The following UBE2K variants were observed in gnomAD, a reference collection of about 807,000 sequenced individuals.
UBE2K encodes ubiquitin conjugating enzyme E2 K.
In UBE2K, 6 loss-of-function variants were observed where a neutral mutation model predicts 30.0. The ratio of observed to expected loss-of-function variants is 0.20; its 90% CI spans 0.11 to 0.39. The LOEUF is 0.39. Ranked by LOEUF, UBE2K falls within the 10% of genes least tolerant of loss-of-function variation. UBE2K has a pLI of 1.00. For synonymous variants in UBE2K, 86 were observed against 83.7 expected, an observed-to-expected ratio of 1.03 and a Z score of -0.15; for missense variants, 61 against 241.6, an observed-to-expected ratio of 0.25 and a Z score of 4.96.
At chr4:39,773,013 T>G (rs977509473) in intron 4 of UBE2K, among the ~76,000 whole-genome samples, 7 of 151,914 alleles carry the variant, frequency 4.6e-5, no homozygotes, top group Admixed American at 4.6e-4. Context: ...TTAACAGAAA[T>G]GCCAAGAATT....
rs796348626 is a variant in UBE2K at position 39,705,478 on chromosome 4, C to T, written c.63+7088C>T. On this transcript the variant is annotated intron_variant, in intron 1 of 6. Transcript: ENST00000261427. Reference sequence around the variant, plus strand: ...CCTCCCAAAGTGCTGGGATTACAGGCGTGAGCCACCGTGCCCAGCCAAGAC... The same window carrying T: ...CCTCCCAAAGTGCTGGGATTACAGGTGTGAGCCACCGTGCCCAGCCAAGAC... 7.6e-4 allele frequency among the ~76,000 whole-genome samples: 115 copies of T among 152,062 alleles called. 1 individual carries two copies. Among genetic ancestry groups the T allele is most frequent in the African/African-American group, 2.7e-3 (113 of 41,506 alleles).
intron 1 of UBE2K, among the ~76,000 whole-genome samples, chr4:39,709,532 ATTG>A (rs1171665480): frequency 6.6e-6 from 1 of 152,058 alleles, no homozygotes; most frequent in Non-Finnish European, 1.5e-5. Context: ...ATTACAATAT[ATTG>A]TTATAATTAC....
At position 39,698,154 on chromosome 4, in the gene UBE2K, C is replaced by A. The variant is rs950224651; in HGVS notation, c.-174C>A. 2 of 672,284 alleles carry A rather than the reference C, an allele frequency of 3.0e-6. No homozygotes were observed. Among genetic ancestry groups the A allele is most frequent in the African/African-American group, 1.8e-5 (1 of 56,172 alleles). 41.6% of individuals were successfully genotyped at this position (672,284 alleles called of 1,614,324 possible). ...ACCCGGCGCCATTTTGGTGGCCGGG[C>A]GCGGAGGTGATTCCACACTGAGGCG... On this transcript the variant is annotated 5_prime_UTR_variant, in exon 1 of 7. Coordinates refer to ENST00000261427, the MANE Select transcript of UBE2K (RefSeq NM_005339.5).
At chr4:39,759,369 C>A (rs550495754) in intron 4 of UBE2K, among the ~76,000 whole-genome samples, 8 of 152,128 alleles carry the variant, frequency 5.3e-5, no homozygotes, top group Admixed American at 6.6e-5. Context: ...CTCCGCCTCC[C>A]GGGCTCAAGC....
rs1198729323 is a variant in UBE2K at position 39,778,364 on chromosome 4, C to G, written c.533C>G (p.Ala178Gly). 1 of 1,606,720 alleles carries G rather than the reference C, an allele frequency of 6.2e-7. No homozygotes were observed. Among genetic ancestry groups the G allele is most frequent in the Non-Finnish European group, 8.5e-7 (1 of 1,174,582 alleles). The change falls in exon 7 of 7, where the codon GCA becomes GGA. Residue 178 changes from alanine to glycine, a missense_variant. By Grantham distance (60) the Ala-to-Gly change is moderately conservative. Transcript: ENST00000261427. ...GTCCCCTTTTCTTCTCTACAGAATG[C>G]AGTAATAGTGGCCTTGTCTTCAAAA... ...NLCAMGFDRN[A>G]VIVALSSKSW...
intron 2 of UBE2K, among the ~76,000 whole-genome samples, chr4:39,744,308 G>A (rs1720868886): frequency 6.6e-6 from 1 of 151,898 alleles, no homozygotes; most frequent in Admixed American, 6.6e-5. Flanking sequence ...GAGTAGCTGG[G>A]GCTACAGGCG....
chr4:39,735,184 A>T (rs73240678), intron 1 of UBE2K, among the ~76,000 whole-genome samples: 1 of 152,170 alleles, frequency 6.6e-6, no homozygotes, highest in African/African-American at 2.4e-5. Flanking sequence ...AACATTATGC[A>T]TAGATACTAG....
At chr4:39,714,066 T>G (rs577040453) in intron 1 of UBE2K, 7 of 152,344 alleles carry the variant, frequency 4.6e-5, no homozygotes, top group African/African-American at 1.7e-4. Flanking sequence ...TTTTGTATTT[T>G]TTGTAGAGAT....
At chr4:39,739,242 A>G (rs1015989956) in intron 2 of UBE2K, among the ~76,000 whole-genome samples, 7 of 150,534 alleles carry the variant, frequency 4.7e-5, no homozygotes, top group African/African-American at 7.3e-5. Flanking sequence ...CGTGTTAGCC[A>G]GAATGGTCTC....
chr4:39,777,780 A>T lies in UBE2K; in HGVS notation c.498A>T (p.Ile166=). ...CTAGTCCAGAATACACCAAAAAAAT[A>T]GAAAACCTATGTGCTATGGGCTTTG... The part of the protein sequence containing the change: ...PVSSPEYTKK[I]ENLCAMGFDR... Residue 166 remains isoleucine (I), a synonymous_variant, in exon 6 of 7, where the codon ATA becomes ATT. Transcript: ENST00000261427. 1.3e-6 allele frequency: 2 copies of T among 1,548,770 alleles called. No individual in the cohort carries two copies. Among genetic ancestry groups the T allele is most frequent in the Non-Finnish European group, 1.7e-6 (2 of 1,157,166 alleles).
rs1713615997 is a variant in UBE2K, at chr4:39,781,599, G to T, written c.*3165G>T. On this transcript the variant is annotated 3_prime_UTR_variant, in exon 7 of 7. Coordinates refer to ENST00000261427, the MANE Select transcript of UBE2K (RefSeq NM_005339.5). ...TGGTAATGTTTTACAATCCTATGTA[G>T]CAAAATAGGAAATTATGAATTTTTG... 9.1e-6 allele frequency: 2 copies of T among 219,344 alleles called. No individual in the cohort carries two copies. Among genetic ancestry groups the T allele is most frequent in the Non-Finnish European group, 1.8e-5 (2 of 112,448 alleles). 13.6% of individuals were successfully genotyped at this position (219,344 alleles called of 1,614,324 possible).
rs1006816216 is a variant in UBE2K at position 39,782,268 on chromosome 4, G to A, written c.*3834G>A. The A allele has an allele frequency of 8.1e-5, 25 of 309,228 alleles. No individual in the cohort carries two copies. The highest frequency in any genetic ancestry group is 1.2e-4 in the Non-Finnish European group (20 of 169,900). The allele number at this position is 309,228 out of a possible 1,614,324, so 19.2% of individuals were successfully genotyped here. A position where few individuals can be genotyped will look rare whatever the true frequency, so the allele number is the denominator to read the frequency against. On this transcript the variant is annotated 3_prime_UTR_variant, in exon 7 of 7. Transcript: ENST00000261427. The stretch of plus-strand genomic sequence containing the variant: ...GAAATCATTACACTGTGCTGTTAAC[G>A]ATCCTTGTCTGCTTGCTGTTACCTA...
chr4:39,757,000 G>GTTTTTTTT, intron 4 of UBE2K, among the ~76,000 whole-genome samples: 1 of 94,336 alleles, frequency 1.1e-5, no homozygotes. Flanking sequence ...TTTTTTGGGT[G>GTTTTTTTT]TTTTTTTTTT....
intron 1 of UBE2K, among the ~76,000 whole-genome samples, chr4:39,728,049 G>A (rs969240824): frequency 4.6e-5 from 7 of 151,936 alleles, no homozygotes; most frequent in African/African-American, 1.4e-4. Flanking sequence ...CAGAAGAATC[G>A]CTTCAACCCG....
chr4:39,770,226 G>C (rs1196937848), intron 4 of UBE2K: 3 of 1,611,496 alleles, frequency 1.9e-6, no homozygotes, highest in Non-Finnish European at 2.5e-6. Context: ...GTAGGGCTGC[G>C]CTCCCGAGTG....
chr4:39,722,604 C>T (rs985012363), intron 1 of UBE2K, among the ~76,000 whole-genome samples: 2 of 152,092 alleles, frequency 1.3e-5, no homozygotes, highest in Non-Finnish European at 2.9e-5. Flanking sequence ...TACAGTTTAA[C>T]CATGCCAGTT....
At chr4:39,718,502 G>A (rs1399331608) in intron 1 of UBE2K, among the ~76,000 whole-genome samples, 3 of 152,242 alleles carry the variant, frequency 2.0e-5, no homozygotes, top group Admixed American at 2.0e-4. Context: ...CCAGTCCTGC[G>A]CCATGCGCCT....
intron 1 of UBE2K, among the ~76,000 whole-genome samples, chr4:39,708,414 T>A (rs1411653143): frequency 6.6e-6 from 1 of 152,008 alleles, no homozygotes; most frequent in Non-Finnish European, 1.5e-5. Context: ...CTTTTTCATA[T>A]TAAAGTAAAA....
intron 1 of UBE2K, among the ~76,000 whole-genome samples, chr4:39,708,872 T>C (rs540503742): frequency 6.6e-6 from 1 of 152,026 alleles, no homozygotes; most frequent in South Asian, 2.1e-4. Context: ...AAAAGCTGAC[T>C]GCTAATACAA....
Sources: gnomAD v4.1 joint callset for allele counts (sites outside exome capture counted in the v4.1 genomes callset) on GRCh38, gnomAD v4.1.1 for gene constraint, MANE v1.5 for transcripts, NCBI Gene and HGNC (gene_info 2026-07-23, HGNC 2026-07-21) for gene names.